Variants in SIN3B observed in about 807,000 individuals in gnomAD.
SIN3B encodes SIN3 transcription regulator family member B, also known as paired amphipathic helix protein Sin3b.
A neutral mutation model predicts 120.2 loss-of-function variants in SIN3B; 19 were observed. That is an observed-to-expected ratio of 0.16 (90% CI 0.11 to 0.23). The LOEUF is 0.23. Ranked by LOEUF, SIN3B falls within the 10% of genes least tolerant of loss-of-function variation. The pLI, the probability that SIN3B is intolerant of heterozygous loss-of-function variation, is 1.00. For synonymous variants in SIN3B, 654 were observed against 653.2 expected, an observed-to-expected ratio of 1.00 and a Z score of -0.02; for missense variants, 1,073 against 1,573.0, an observed-to-expected ratio of 0.68 and a Z score of 5.38.
intron 5 of SIN3B, among the ~76,000 whole-genome samples, chr19:16,850,637 G>A (rs1042496422): frequency 1.3e-5 from 2 of 152,150 alleles, no homozygotes; most frequent in African/African-American, 2.4e-5. Flanking sequence ...GGCGGAGTAC[G>A]ATGGAGGTGA....
chr19:16,846,320 C>T (rs1209044662), intron 4 of SIN3B: 1 of 152,232 alleles, frequency 6.6e-6, no homozygotes, highest in African/African-American at 2.4e-5. Flanking sequence ...GCAGGAGGCG[C>T]CAGCACAGGG....
intron 4 of SIN3B, among the ~76,000 whole-genome samples, chr19:16,842,304 T>C (rs1971428083): frequency 6.6e-6 from 1 of 152,122 alleles, no homozygotes; most frequent in Admixed American, 6.6e-5. Flanking sequence ...GGTTTTGCCA[T>C]GTTGCTCAGG....
At chr19:16,852,161 C>G (rs1040512523) in intron 6 of SIN3B, among the ~76,000 whole-genome samples, 3 of 152,202 alleles carry the variant, frequency 2.0e-5, no homozygotes, top group African/African-American at 7.2e-5. Flanking sequence ...GAGTCTCGCT[C>G]TGTCACCCAG....
Position 16,878,567 on chromosome 19 carries a change from A to G in SIN3B, c.3233A>G (p.Asn1078Ser), listed in dbSNP as rs763273012. The G allele has an allele frequency of 1.9e-5, 31 of 1,609,314 alleles. No individual in the cohort carries two copies. The highest frequency in any genetic ancestry group is 1.7e-6 in the Non-Finnish European group (2 of 1,178,060). Residue 1078 changes from asparagine (N) to serine (S), a missense_variant, in exon 19 of 19, where the codon AAT becomes AGT. This residue lies in a region of SIN3B where 311 missense variants were observed against 400.3 expected (regional missense o/e 0.78). Coordinates refer to ENST00000248054, the MANE Select transcript of SIN3B (RefSeq NM_001297595.2). ...EEWHSRWLED[N>S]VTVEAASLVQ... is the part of the protein sequence containing the mutation. Reference sequence around the variant, plus strand: ...TGGCACAGCCGCTGGCTGGAGGACAATGTGACGGTGGAGGCGGCTAGCCTG... The same window carrying G: ...TGGCACAGCCGCTGGCTGGAGGACAGTGTGACGGTGGAGGCGGCTAGCCTG...
At chr19:16,860,141 G>A (rs1200568117) in intron 8 of SIN3B, among the ~76,000 whole-genome samples, 1 of 152,192 alleles carries the variant, frequency 6.6e-6, no homozygotes, top group African/African-American at 2.4e-5. Flanking sequence ...TATGGAGCAA[G>A]GTCCAGAATT....
At chr19:16,846,929 C>T (rs991953454) in intron 4 of SIN3B, 41 bp from the exon 5 acceptor site, 7 of 1,602,708 alleles carry the variant, frequency 4.4e-6, no homozygotes, top group Non-Finnish European at 4.3e-6. Flanking sequence ...CACAGCACTC[C>T]TTGACTAACG....
At chr19:16,878,446 G>A in intron 18 of SIN3B, 51 bp from the exon 19 acceptor site, 1 of 1,578,378 alleles carries the variant, frequency 6.3e-7, no homozygotes, top group Non-Finnish European at 8.6e-7. Flanking sequence ...CAAGTCCTGG[G>A]GCCCTGGGGG....
intron 4 of SIN3B, among the ~76,000 whole-genome samples, chr19:16,844,924 G>A (rs1036682816): frequency 2.6e-5 from 4 of 152,128 alleles, no homozygotes. Flanking sequence ...ACAGGGGAAC[G>A]CTGAGAGAGT....
intron 4 of SIN3B, among the ~76,000 whole-genome samples, chr19:16,843,614 A>G (rs1188249547): frequency 1.3e-5 from 2 of 152,192 alleles, no homozygotes; most frequent in Admixed American, 1.3e-4. Flanking sequence ...CAGTCTGTGC[A>G]GTGGCTCTGT....
intron 3 of SIN3B, among the ~76,000 whole-genome samples, chr19:16,833,352 G>A (rs1187629459): frequency 6.6e-6 from 1 of 151,778 alleles, no homozygotes. Context: ...GCTGCTTCTC[G>A]GCCAGGCGCA....
At chr19:16,870,138 T>C in intron 13 of SIN3B, 63 bp downstream of exon 13, 1 of 1,390,480 alleles carries the variant, frequency 7.2e-7, no homozygotes, top group Non-Finnish European at 9.6e-7. Context: ...TCACAGCTCA[T>C]GATCTGACAT....
intron 1 of SIN3B, 23 bp downstream of exon 1, chr19:16,829,563 C>T: frequency 8.0e-7 from 1 of 1,245,050 alleles, no homozygotes; most frequent in Non-Finnish European, 1.0e-6. Flanking sequence ...CCCGCCCTCC[C>T]TCGGGGAACC....
intron 14 of SIN3B, among the ~76,000 whole-genome samples, chr19:16,872,893 C>T (rs1023064524): frequency 5.5e-4 from 83 of 152,158 alleles, no homozygotes; most frequent in Non-Finnish European, 3.2e-4. Context: ...GAACGACCCC[C>T]GATTCCGTCC....
chr19:16,836,790 G>A (rs903109211), intron 3 of SIN3B, among the ~76,000 whole-genome samples: 3 of 152,306 alleles, frequency 2.0e-5, no homozygotes, highest in East Asian at 1.9e-4. Flanking sequence ...ACCCCTTAAC[G>A]TGCAGCTCCT....
chr19:16,867,789 C>T (rs1395543461), intron 12 of SIN3B, among the ~76,000 whole-genome samples: 1 of 152,188 alleles, frequency 6.6e-6, no homozygotes, highest in Admixed American at 6.5e-5. Context: ...TTCCCTCCCA[C>T]CTCCCTTCCC....
At chr19:16,856,089 C>A (rs1354280372) in intron 8 of SIN3B, among the ~76,000 whole-genome samples, 1 of 152,164 alleles carries the variant, frequency 6.6e-6, no homozygotes, top group African/African-American at 2.4e-5. Context: ...TATACCTCTG[C>A]TGCACAAAGA....
intron 13 of SIN3B, among the ~76,000 whole-genome samples, chr19:16,870,711 C>T (rs558765504): frequency 4.2e-4 from 27 of 64,766 alleles, no homozygotes; most frequent in Admixed American, 2.4e-3. Flanking sequence ...CCACCATGTC[C>T]GGTTATTTTT....
chr19:16,878,167 C>T lies in SIN3B; in HGVS notation c.2955-16C>T. ...TGCCGAGAGCCAGAGTCCATTCCAC[C>T]TCCTTTCGCCCCCAGGAACCTCAAG... On this transcript the variant is annotated splice_polypyrimidine_tract_variant and intron_variant, in intron 17 of 18. Coordinates refer to ENST00000248054, the MANE Select transcript of SIN3B (RefSeq NM_001297595.2). 5 of 1,543,932 alleles carry T rather than the reference C, an allele frequency of 3.2e-6. No homozygotes were observed. The highest frequency in any genetic ancestry group is 4.8e-5 in the East Asian group (2 of 41,566).
chr19:16,867,812 C>T lies in SIN3B; in HGVS notation c.1806+1256C>T, dbSNP rs958024890. On this transcript the variant is annotated intron_variant, in intron 12 of 18. Coordinates refer to ENST00000248054, the MANE Select transcript of SIN3B (RefSeq NM_001297595.2). ...CACCTCCCTTCCCGTGGGCCACCCT[C>T]GCCCCAGGCCCACCCACAACCACTC... Among the ~76,000 whole-genome samples, 24 of 152,174 alleles carry T rather than the reference C, an allele frequency of 1.6e-4. 2 individuals carry two copies. The highest frequency in any genetic ancestry group is 2.6e-4 in the Admixed American group (4 of 15,270).
Sources: gnomAD v4.1 joint callset for allele counts (sites outside exome capture counted in the v4.1 genomes callset) on GRCh38, gnomAD v4.1.1 for gene constraint, gnomAD v4.1.1 regional missense constraint, MANE v1.5 for transcripts, NCBI Gene and HGNC (gene_info 2026-07-23, HGNC 2026-07-21) for gene names.